DPRX: variants seen among roughly 807,000 people sequenced by gnomAD.
DPRX encodes the protein divergent paired-related homeobox.
In DPRX, 11 loss-of-function variants were observed where a neutral mutation model predicts 8.4. The observed-to-expected ratio is 1.31, with a 90% CI of 0.82 to 2.17. The LOEUF (loss-of-function observed/expected upper bound fraction) is 2.17, where lower values mean the gene tolerates loss of function less well. Among genes scored for constraint, DPRX ranks in the 30% most tolerant of loss-of-function variants. The pLI is 0.00. For synonymous variants in DPRX, 72 were observed against 87.0 expected, an observed-to-expected ratio of 0.83 and a Z score of 0.96; for missense variants, 211 against 236.7, an observed-to-expected ratio of 0.89 and a Z score of 0.71.
upstream of DPRX, chr19:53,630,134 A>G (rs1600569228): frequency 6.7e-6 from 1 of 149,960 alleles, no homozygotes; most frequent in African/African-American, 2.5e-5. Context: ...AGTTGCTTGA[A>G]CCCAGGAGGC....
At chr19:53,601,629 A>G in the DPRX span, among the ~76,000 whole-genome samples, 2 of 151,662 alleles carry the variant, frequency 1.3e-5, no homozygotes, top group African/African-American at 2.4e-5. Flanking sequence ...TTACCGGCAC[A>G]CACCACCATG....
chr19:53,635,976 C>T (rs543243232), intron 2 of DPRX, among the ~76,000 whole-genome samples: 4 of 152,202 alleles, frequency 2.6e-5, no homozygotes, highest in Admixed American at 2.6e-4. Flanking sequence ...TCTGCTCCTT[C>T]CTGGGAGTAG....
the DPRX span, among the ~76,000 whole-genome samples, chr19:53,624,220 T>TG: frequency 6.7e-6 from 1 of 149,830 alleles, no homozygotes; most frequent in Admixed American, 6.7e-5. Context: ...CCTGAGTAGC[T>TG]GGGATCACAG....
chr19:53,619,403 G>A, the DPRX span, among the ~76,000 whole-genome samples: 8 of 152,086 alleles, frequency 5.3e-5, no homozygotes, highest in South Asian at 2.1e-4. Context: ...GGCCGGGTGC[G>A]GTGGCTCACG....
chr19:53,612,265 C>A, the DPRX span, among the ~76,000 whole-genome samples: 1 of 152,116 alleles, frequency 6.6e-6, no homozygotes, highest in African/African-American at 2.4e-5. Flanking sequence ...CACCTGTAGT[C>A]CCAGCTAGTT....
the DPRX span, among the ~76,000 whole-genome samples, chr19:53,620,243 G>A: frequency 1.3e-5 from 2 of 151,856 alleles, no homozygotes; most frequent in South Asian, 2.1e-4. Context: ...CTGTTTTTTT[G>A]TATTTTTAGT....
At chr19:53,625,799 G>A in the DPRX span, among the ~76,000 whole-genome samples, 2 of 151,886 alleles carry the variant, frequency 1.3e-5, no homozygotes, top group South Asian at 2.1e-4. Context: ...CACCGCACCC[G>A]GCTAATTTTT....
the DPRX span, among the ~76,000 whole-genome samples, chr19:53,621,871 A>C: frequency 1.3e-5 from 2 of 152,178 alleles, no homozygotes; most frequent in African/African-American, 4.8e-5. Context: ...TAGCTATTTA[A>C]AATTTTCAAT....
the DPRX span, among the ~76,000 whole-genome samples, chr19:53,613,921 C>T: frequency 6.6e-6 from 1 of 151,258 alleles, no homozygotes. Flanking sequence ...GTGTCCAAGC[C>T]TTTTGCCCAT....
the DPRX span, among the ~76,000 whole-genome samples, chr19:53,621,490 G>C: frequency 6.6e-6 from 1 of 151,964 alleles, no homozygotes; most frequent in East Asian, 1.9e-4. Context: ...ATCCAGCCAC[G>C]ATCTATATAA....
upstream of DPRX, among the ~76,000 whole-genome samples, chr19:53,631,750 ACT>A (rs1172433894): frequency 5.3e-5 from 8 of 151,970 alleles, no homozygotes; most frequent in African/African-American, 1.9e-4. Context: ...ACAGAGTGGG[ACT>A]CTGTCTCAAA....
chr19:53,616,536 C>G, the DPRX span, among the ~76,000 whole-genome samples: 1 of 152,172 alleles, frequency 6.6e-6, no homozygotes, highest in Middle Eastern at 3.4e-3. Context: ...GGGTGGATCA[C>G]TTGAGGTCAG....
the DPRX span, chr19:53,616,664 G>A: frequency 1.5e-6 from 1 of 664,732 alleles, no homozygotes; most frequent in Non-Finnish European, 2.4e-6. Flanking sequence ...TGAGGCGGGA[G>A]AATCCCTTGA....
chr19:53,617,678 A>C, the DPRX span, among the ~76,000 whole-genome samples: 1 of 152,138 alleles, frequency 6.6e-6, no homozygotes, highest in Admixed American at 6.6e-5. Flanking sequence ...AAGGAAGAGC[A>C]GCAGTAAAAG....
chr19:53,634,256 C>A (rs1211401338), intron 1 of DPRX, among the ~76,000 whole-genome samples: 1 of 152,084 alleles, frequency 6.6e-6, no homozygotes, highest in Non-Finnish European at 1.5e-5. Flanking sequence ...CATGGTGAAA[C>A]CCTGTCTCTG....
chr19:53,634,335 G>A (rs1373344564), intron 1 of DPRX, among the ~76,000 whole-genome samples, 196 bp from the exon 2 acceptor site: 1 of 152,162 alleles, frequency 6.6e-6, no homozygotes, highest in Non-Finnish European at 1.5e-5. Context: ...GGAGGCTGAG[G>A]CAGGAGAATC....
chr19:53,617,187 T>C, the DPRX span: 2 of 991,612 alleles, frequency 2.0e-6, no homozygotes, highest in East Asian at 2.4e-5. Flanking sequence ...TTCGTCTGTG[T>C]CCTATTGAGT....
At chr19:53,633,025 G>A (rs928483228) in intron 1 of DPRX, among the ~76,000 whole-genome samples, 1 of 152,102 alleles carries the variant, frequency 6.6e-6, no homozygotes, top group African/African-American at 2.4e-5. Flanking sequence ...GAGGCATGCG[G>A]TGGCTCATGC....
the DPRX span, among the ~76,000 whole-genome samples, chr19:53,613,296 A>C: frequency 2.0e-5 from 3 of 152,082 alleles, no homozygotes; most frequent in East Asian, 5.8e-4. Context: ...AACAGCTCAC[A>C]TATGGGGTCC....
Sources: gnomAD v4.1 joint callset for allele counts (sites outside exome capture counted in the v4.1 genomes callset) on GRCh38, gnomAD v4.1.1 for gene constraint, MANE v1.5 for transcripts, NCBI Gene and HGNC (gene_info 2026-07-23, HGNC 2026-07-21) for gene names.